NFIC: variants seen among roughly 807,000 people sequenced by gnomAD.
The protein encoded by NFIC is nuclear factor I C.
Under a neutral mutation model 54.4 loss-of-function variants are expected in NFIC, and 12 were observed. The ratio of observed to expected loss-of-function variants is 0.22; its 90% CI spans 0.14 to 0.36. The LOEUF (loss-of-function observed/expected upper bound fraction) is 0.36. Among genes scored for constraint, NFIC ranks in the 10% least tolerant of loss-of-function variants. The pLI is 1.00. For missense variants in NFIC, 575 were observed against 718.2 expected, an observed-to-expected ratio of 0.80 and a Z score of 2.28; for synonymous variants, 322 against 319.2, an observed-to-expected ratio of 1.01 and a Z score of -0.09.
At chr19:3,360,843 G>A (rs1260330849) in intron 1 of NFIC, among the ~76,000 whole-genome samples, 3 of 151,312 alleles carry the variant, frequency 2.0e-5, no homozygotes, top group Non-Finnish European at 4.4e-5. Flanking sequence ...TGTGGCGGTT[G>A]GGGGGGGTCG....
At chr19:3,367,676 A>G (rs1195331907) in intron 1 of NFIC, among the ~76,000 whole-genome samples, 1 of 152,096 alleles carries the variant, frequency 6.6e-6, no homozygotes, top group Non-Finnish European at 1.5e-5. Context: ...CTCCTTACGC[A>G]GTGTGTCTTT....
intron 2 of NFIC, among the ~76,000 whole-genome samples, chr19:3,394,049 TCTC>T (rs914542862): frequency 1.3e-5 from 2 of 151,568 alleles, no homozygotes; most frequent in African/African-American, 4.8e-5. Context: ...TTCAAGCAGT[TCTC>T]CTGCCTCAGC....
rs1187427363 is a variant in NFIC at position 3,369,828 on chromosome 19, G to A, written c.30+3162G>A. ...AAGTCCCTCTTGGCCGCAGCGTGGC[G>A]GATTCCCCGAGCCACCTCCATCCCG... is the stretch of plus-strand genomic sequence containing the variant. On this transcript the variant is annotated intron_variant, in intron 1 of 10. Coordinates refer to ENST00000443272, the MANE Select transcript of NFIC (RefSeq NM_001245002.2). This position sits in a 1 kb window ranked among gnomAD's most constrained non-coding sequence, Gnocchi z 4.3. Among the ~76,000 whole-genome samples, 4 of 152,280 alleles carry A rather than the reference G, an allele frequency of 2.6e-5. No homozygotes were observed. The highest frequency in any genetic ancestry group is 4.1e-4 in the South Asian group (2 of 4,826).
At chr19:3,456,893 C>T in intron 10 of NFIC, 1 of 543,102 alleles carries the variant, frequency 1.8e-6, no homozygotes, top group East Asian at 3.2e-5. Flanking sequence ...TCTCTGGAGA[C>T]CATCGTGGTA....
chr19:3,410,036 C>T lies in NFIC; in HGVS notation c.563-15070C>T, dbSNP rs1028494121. Among the ~76,000 whole-genome samples the T allele has an allele frequency of 8.5e-5, 8 of 93,740 alleles. 1 individual carries two copies. The highest frequency in any genetic ancestry group is 3.0e-4 in the African/African-American group (7 of 23,660). 61.5% of individuals were successfully genotyped at this position (93,740 alleles called of 152,430 possible). A position where few individuals can be genotyped will look rare whatever the true frequency, so the allele number is the denominator to read the frequency against. On this transcript the variant is annotated intron_variant, in intron 2 of 10. Coordinates refer to ENST00000443272, the MANE Select transcript of NFIC (RefSeq NM_001245002.2). ...CAGCCTGGGCAACATAGCGAGACTG[C>T]GTCTCTACTTTTTTTTTTTCCTGAG...
At chr19:3,401,723 T>TC (rs2081559139) in intron 2 of NFIC, among the ~76,000 whole-genome samples, 4 of 25,326 alleles carry the variant, frequency 1.6e-4, no homozygotes, top group Admixed American at 6.5e-4. Flanking sequence ...GTTATTCTCT[T>TC]TTTTTTTCTC....
chr19:3,362,593 G>A (rs898895776), upstream of NFIC, among the ~76,000 whole-genome samples: 2 of 151,876 alleles, frequency 1.3e-5, no homozygotes, highest in African/African-American at 2.4e-5. Flanking sequence ...GAGTCTGCAC[G>A]ATGTGTGTCT....
At chr19:3,365,003 G>A (rs780336839), upstream of NFIC, among the ~76,000 whole-genome samples, 12 of 152,130 alleles carry the variant, frequency 7.9e-5, no homozygotes, top group African/African-American at 1.7e-4. Context: ...TTTATGGACC[G>A]TTCGTGATGT....
Position 3,468,958 on chromosome 19 carries a change from C to G in NFIC, c.*6189C>G, listed in dbSNP as rs990680029. 6.6e-6 allele frequency: 1 copy of G among 151,858 alleles called. No homozygotes were observed. Among genetic ancestry groups the G allele is most frequent in the Non-Finnish European group, 1.5e-5 (1 of 67,966 alleles). The allele number at this position is 151,858 out of a possible 1,614,324, so 9.4% of individuals were successfully genotyped here. A position where few individuals can be genotyped will look rare whatever the true frequency, so the allele number is the denominator to read the frequency against. On this transcript the variant is annotated 3_prime_UTR_variant, in exon 11 of 11. Coordinates refer to ENST00000443272, the MANE Select transcript of NFIC (RefSeq NM_001245002.2). ...CAGACCCGCCGGCTCTCCCCCCACC[C>G]CACCCCGCCCCTCACATCATACTCC...
intron 2 of NFIC, among the ~76,000 whole-genome samples, chr19:3,386,558 A>C (rs2081300170): frequency 6.6e-6 from 1 of 151,736 alleles, no homozygotes. Flanking sequence ...CATGGCCTCA[A>C]GTGATCCGCC....
At chr19:3,407,195 G>C (rs151100774) in intron 2 of NFIC, among the ~76,000 whole-genome samples, 2 of 150,706 alleles carry the variant, frequency 1.3e-5, no homozygotes, top group African/African-American at 2.4e-5. Context: ...CTCACTGCAA[G>C]CTCTGCCTCC....
intron 6 of NFIC, among the ~76,000 whole-genome samples, chr19:3,437,940 C>T (rs532077362): frequency 1.5e-4 from 23 of 152,184 alleles, no homozygotes; most frequent in African/African-American, 2.6e-4. Context: ...AAGTGATCCG[C>T]CCATCTCAGC....
At chr19:3,403,713 C>T (rs980411730) in intron 2 of NFIC, among the ~76,000 whole-genome samples, 2 of 152,222 alleles carry the variant, frequency 1.3e-5, no homozygotes, top group African/African-American at 2.4e-5. Context: ...TTGGCTGGGC[C>T]GCCAGCCTTG....
In NFIC at chr19:3,462,735, G is replaced by C. The variant is rs181501320; in HGVS notation, c.1510-17G>C. 1 of 1,613,346 alleles carries C rather than the reference G, an allele frequency of 6.2e-7. No homozygotes were observed. ...CTTTTTCTCTCTCCCTCTTTCTGTC[G>C]CCACTGGGCCACTCAGTCCTGGTAT... On this transcript the variant is annotated splice_polypyrimidine_tract_variant and intron_variant, in intron 10 of 10. Transcript: ENST00000443272.
At chr19:3,441,572 C>T (rs1247430822) in intron 6 of NFIC, among the ~76,000 whole-genome samples, 1 of 152,274 alleles carries the variant, frequency 6.6e-6, no homozygotes, top group African/African-American at 2.4e-5. Flanking sequence ...TCAGAACAGG[C>T]CTGGCCCCTG....
At chr19:3,388,659 C>T (rs113852764) in intron 2 of NFIC, among the ~76,000 whole-genome samples, 1 of 144,380 alleles carries the variant, frequency 6.9e-6, no homozygotes, top group Non-Finnish European at 1.5e-5. Context: ...CATGCCCCCC[C>T]CCAACAAAAT....
intron 7 of NFIC, among the ~76,000 whole-genome samples, chr19:3,450,073 A>G (rs1156401022): frequency 2.0e-5 from 3 of 151,908 alleles, no homozygotes; most frequent in Non-Finnish European, 4.4e-5. Context: ...GGCTAAGTGC[A>G]AGTGGCTCAC....
rs2082603321 is a variant in NFIC at position 3,459,105 on chromosome 19, G to A, written c.1509+2470G>A. Among the ~76,000 whole-genome samples the A allele has an allele frequency of 1.3e-5, 2 of 152,078 alleles. No individual in the cohort carries two copies. The highest frequency in any genetic ancestry group is 4.1e-4 in the South Asian group (2 of 4,820). The stretch of plus-strand genomic sequence containing the variant: ...CTGAGCTTGGAGGCCTCTCATTTCC[G>A]ATTCTGGCCAGTCAGCACTTCTGCC... On this transcript the variant is annotated intron_variant, in intron 10 of 10. Coordinates refer to ENST00000443272, the MANE Select transcript of NFIC (RefSeq NM_001245002.2). This position sits in a 1 kb window ranked among gnomAD's most constrained non-coding sequence, Gnocchi z 4.2.
At chr19:3,444,331 TCA>T (rs1174158598) in intron 6 of NFIC, among the ~76,000 whole-genome samples, 1 of 152,194 alleles carries the variant, frequency 6.6e-6, no homozygotes, top group Non-Finnish European at 1.5e-5. Context: ...TGCGTCCTCC[TCA>T]CAGTCAATAT....
Sources: gnomAD v4.1 joint callset for allele counts (sites outside exome capture counted in the v4.1 genomes callset) on GRCh38, gnomAD v4.1.1 for gene constraint, Gnocchi (gnomAD v3.1) non-coding constraint, MANE v1.5 for transcripts, NCBI Gene and HGNC (gene_info 2026-07-23, HGNC 2026-07-21) for gene names.